WAC: variants seen among roughly 807,000 people sequenced by gnomAD.
WAC encodes the protein WW domain-containing adapter protein with coiled-coil.
In WAC, 11 loss-of-function variants were observed where a neutral mutation model predicts 79.6. The ratio of observed to expected loss-of-function variants is 0.14; its 90% CI spans 0.09 to 0.23. The LOEUF (loss-of-function observed/expected upper bound fraction) is 0.23, where lower values mean the gene tolerates loss of function less well. WAC is among the 10% of genes least tolerant of loss of function. WAC has a pLI of 1.00. For missense variants in WAC, 728 were observed against 773.5 expected (o/e 0.94, Z 0.70); for synonymous variants, 304 against 276.9 (o/e 1.10, Z -0.97).
chr10:28,613,378 A>G (rs1213909136), intron 10 of WAC, among the ~76,000 whole-genome samples: 2 of 152,192 alleles, frequency 1.3e-5, no homozygotes, highest in African/African-American at 4.8e-5. Context: ...TTTCTTGGGC[A>G]TGGTGATGTG....
In WAC at chr10:28,620,108, T is replaced by A. The variant is rs1285590763; in HGVS notation, c.*502T>A. 1 of 152,682 alleles carries A rather than the reference T, an allele frequency of 6.5e-6. No homozygotes were observed. The highest frequency in any genetic ancestry group is 6.5e-5 in the Admixed American group (1 of 15,272). The allele number at this position is 152,682 out of a possible 1,614,324, so 9.5% of individuals were successfully genotyped here. On this transcript the variant is annotated 3_prime_UTR_variant, in exon 14 of 14. Coordinates refer to ENST00000354911, the MANE Select transcript of WAC (RefSeq NM_016628.5). ...GTGTACAAAATATGAAACAACTGTT[T>A]CCACACTTGCACCTGATCAAGAGCA...
At chr10:28,610,945 CAAT>C in intron 9 of WAC, 124 bp downstream of exon 9, 1 of 1,138,590 alleles carries the variant, frequency 8.8e-7, no homozygotes, top group East Asian at 2.7e-5. Context: ...AGATTAGCTA[CAAT>C]AATTTTGTTT....
intron 3 of WAC, among the ~76,000 whole-genome samples, chr10:28,538,581 C>CAAAA (rs34777121): frequency 3.1e-5 from 3 of 98,252 alleles, no homozygotes; most frequent in Non-Finnish European, 5.9e-5. Context: ...GACCCTGTCT[C>CAAAA]AAAAAAAAAA....
rs966304355 is a variant in WAC at position 28,622,723 on chromosome 10, G to C, written c.*3117G>C. The C allele has an allele frequency of 6.6e-6, 1 of 152,174 alleles. No individual in the cohort carries two copies. Among genetic ancestry groups the C allele is most frequent in the Admixed American group, 6.5e-5 (1 of 15,284 alleles). The allele number at this position is 152,174 out of a possible 1,614,324, so 9.4% of individuals were successfully genotyped here. On this transcript the variant is annotated 3_prime_UTR_variant, in exon 14 of 14. Coordinates refer to ENST00000354911, the MANE Select transcript of WAC (RefSeq NM_016628.5). ...TTCACACTTGTAAAATCTTGGGAAG[G>C]AGGTTCTTAAAACTTTGCCAGGAAT...
chr10:28,541,997 G>C (rs1038962581), intron 3 of WAC, among the ~76,000 whole-genome samples: 10 of 152,056 alleles, frequency 6.6e-5, no homozygotes, highest in African/African-American at 2.4e-4. Flanking sequence ...CTGTTTCTTA[G>C]CAAATCTTAT....
Position 28,608,260 on chromosome 10 carries a change from C to G in WAC, c.994C>G (p.Pro332Ala). 1 of 1,614,142 alleles carries G rather than the reference C, an allele frequency of 6.2e-7. No homozygotes were observed. The highest frequency in any genetic ancestry group is 8.5e-7 in the Non-Finnish European group (1 of 1,180,022). The change falls in exon 8 of 14, where the codon CCC becomes GCC. Residue 332 changes from proline to alanine, a missense_variant. Coordinates refer to ENST00000354911, the MANE Select transcript of WAC (RefSeq NM_016628.5). The stretch of plus-strand genomic sequence containing the variant: ...CACGTCTTCTGCCTCTGGACTGAAC[C>G]CCACATCTGCACCTCCAACATCTGC... ...PSTSSASGLN[P>A]TSAPPTSASA...
intron 3 of WAC, among the ~76,000 whole-genome samples, chr10:28,559,109 G>A (rs905166417): frequency 7.1e-6 from 1 of 141,354 alleles, no homozygotes; most frequent in Non-Finnish European, 1.5e-5. Flanking sequence ...CAACAGATTA[G>A]TTAAATCTCT....
chr10:28,593,927 C>T (rs1840226035), intron 6 of WAC, among the ~76,000 whole-genome samples: 1 of 152,048 alleles, frequency 6.6e-6, no homozygotes, highest in African/African-American at 2.4e-5. Context: ...ACTAATGACA[C>T]TTTGGGTGAA....
intron 6 of WAC, among the ~76,000 whole-genome samples, chr10:28,593,318 TAAAGCTTGTTCTTGACTACCAATA>T (rs1400896805): frequency 6.6e-6 from 1 of 152,196 alleles, no homozygotes; most frequent in Admixed American, 6.6e-5. Flanking sequence ...GAGTATGGCT[TAAAGCTTGTTCTTGACTACCAATA>T]AAAGAACTTT....
At position 28,617,014 on chromosome 10, in the gene WAC, C is replaced by T. The variant is rs571189359; in HGVS notation, c.1747-643C>T. Among the ~76,000 whole-genome samples, 29 of 152,186 alleles carry T rather than the reference C, an allele frequency of 1.9e-4. No homozygotes were observed. In the South Asian group the frequency reaches 5.8e-3, roughly 31 times the overall value. On this transcript the variant is annotated intron_variant, in intron 12 of 13. Transcript: ENST00000354911. ...ACCAGAATTACGTGAACCCAGGAGGCAGAAGTTGCAGTGAGCCGAGATTGC... is the reference window on the plus strand; with the variant it reads ...ACCAGAATTACGTGAACCCAGGAGGTAGAAGTTGCAGTGAGCCGAGATTGC...
At chr10:28,603,959 A>ATGTG (rs778809998) in intron 7 of WAC, among the ~76,000 whole-genome samples, 1 of 6,250 alleles carries the variant, frequency 1.6e-4, no homozygotes, top group Non-Finnish European at 2.8e-4. Flanking sequence ...ATATGTATGT[A>ATGTG]TGTATATATA....
chr10:28,586,354 A>G (rs927534118), intron 4 of WAC, among the ~76,000 whole-genome samples: 1 of 152,082 alleles, frequency 6.6e-6, no homozygotes, highest in African/African-American at 2.4e-5. Flanking sequence ...AGATTAGGAA[A>G]AGCTTGGTGA....
At chr10:28,534,356 G>A (rs772240877) in intron 2 of WAC, 4 of 317,594 alleles carry the variant, frequency 1.3e-5, no homozygotes, top group Admixed American at 4.9e-5. Context: ...GGTGACTTAC[G>A]AGGCTTATTT....
At chr10:28,598,375 A>G (rs995930041) in intron 7 of WAC, among the ~76,000 whole-genome samples, 3 of 152,246 alleles carry the variant, frequency 2.0e-5, no homozygotes, top group Non-Finnish European at 4.4e-5. Context: ...TTTGCTAAAT[A>G]GAACATGTTC....
intron 10 of WAC, among the ~76,000 whole-genome samples, chr10:28,612,892 C>T (rs777786846): frequency 2.6e-5 from 4 of 152,146 alleles, no homozygotes; most frequent in Non-Finnish European, 5.9e-5. Context: ...TAGAACTTGT[C>T]TTCAGGGTGG....
In WAC at chr10:28,592,621, CAAAAAAA is replaced by C. The variant is rs890344607; in HGVS notation, c.610+1791_610+1797del. Among the ~76,000 whole-genome samples, 38 of 147,276 alleles carry C rather than the reference CAAAAAAA, an allele frequency of 2.6e-4. 1 individual carries two copies. The South Asian group carries it at 7.9e-3, about 31-fold the overall frequency. On this transcript the variant is annotated intron_variant, in intron 6 of 13. Coordinates refer to ENST00000354911, the MANE Select transcript of WAC (RefSeq NM_016628.5). The stretch of plus-strand genomic sequence containing the variant: ...GGGTGACAGAGCAAGACTCTGTCTC[CAAAAAAA>C]AGAAAAAAGAAAATGAGTGATGAGT...
intron 2 of WAC, among the ~76,000 whole-genome samples, chr10:28,534,609 A>C (rs561049591): frequency 7.2e-5 from 11 of 152,198 alleles, no homozygotes; most frequent in Non-Finnish European, 1.3e-4. Flanking sequence ...AGGTGGTTCT[A>C]GGTAGGTGGG....
At chr10:28,574,927 C>T (rs982161696) in intron 3 of WAC, among the ~76,000 whole-genome samples, 5 of 151,902 alleles carry the variant, frequency 3.3e-5, no homozygotes, top group African/African-American at 7.3e-5. Context: ...ATTTTAGGTA[C>T]ACAAGTAGAT....
Position 28,578,324 on chromosome 10 carries a change from T to C in WAC, c.275-5075T>C, listed in dbSNP as rs139721287. On this transcript the variant is annotated intron_variant, in intron 3 of 13. Transcript: ENST00000354911. ...TGAAAGCAATATGAGATGGTAGATG[T>C]CTTTGAATTATTTCATTTAGTATAC... is the stretch of plus-strand genomic sequence containing the variant. 3.3e-5 allele frequency among the ~76,000 whole-genome samples: 5 copies of C among 152,330 alleles called. No homozygotes were observed. In the East Asian group the frequency reaches 7.7e-4, roughly 23 times the overall value.
Sources: gnomAD v4.1 joint callset for allele counts (sites outside exome capture counted in the v4.1 genomes callset) on GRCh38, gnomAD v4.1.1 for gene constraint, MANE v1.5 for transcripts, NCBI Gene and HGNC (gene_info 2026-07-23, HGNC 2026-07-21) for gene names.